The following CHD9 variants were observed in gnomAD, a reference collection of about 807,000 sequenced individuals.
CHD9 encodes the protein chromodomain helicase DNA binding protein 9, also known as ATP-dependent chromatin remodeler CHD9.
CHD9 carries 77 observed loss-of-function variants against 316.1 expected under a neutral mutation model. The observed-to-expected ratio is 0.24, with a 90% CI of 0.20 to 0.29. The LOEUF is 0.29. Ranked by LOEUF, CHD9 falls within the 10% of genes least tolerant of loss-of-function variation. The probability of loss-of-function intolerance (pLI) is 1.00; values close to 1 mark genes in which losing one functional copy is unlikely to be tolerated. For missense variants in CHD9, 2,763 were observed against 3,438.1 expected, an observed-to-expected ratio of 0.80 and a Z score of 4.91; for synonymous variants, 1,129 against 1,158.3, an observed-to-expected ratio of 0.97 and a Z score of 0.51.
intron 1 of CHD9, among the ~76,000 whole-genome samples, chr16:53,123,648 C>A (rs2038842769): frequency 6.6e-6 from 1 of 152,012 alleles, no homozygotes; most frequent in African/African-American, 2.4e-5. Context: ...ATTATAGATG[C>A]ACACCACAAC....
chr16:53,203,202 CAGT>C (rs1597410299), intron 2 of CHD9, among the ~76,000 whole-genome samples: 1 of 151,912 alleles, frequency 6.6e-6, no homozygotes, highest in East Asian at 1.9e-4. Flanking sequence ...GACTAAAAAC[CAGT>C]ACACCAGCTT....
rs2152959477 is a variant in CHD9, at chr16:53,247,328, A to G, written c.3490A>G (p.Thr1164Ala). Reference protein sequence around the residue: ...EEKILGEFRDTYNPAASDFHL... With the variant: ...EEKILGEFRDAYNPAASDFHL... ...GAAAATACTTGGAGAATTTAGAGAT[A>G]CTTACAATCCAGCTGCTTCTGATTT... is the stretch of plus-strand genomic sequence containing the variant. The change falls in exon 16 of 39, where the codon ACT (threonine) becomes GCT (alanine). Residue 1164 changes from threonine (T) to alanine (A), a missense_variant. Thr to Ala is a moderately conservative substitution (Grantham distance 58, BLOSUM62 0). Transcript: ENST00000447540. 1 of 1,604,548 alleles carries G rather than the reference A, an allele frequency of 6.2e-7. No individual in the cohort carries two copies. Among genetic ancestry groups the G allele is most frequent in the South Asian group, 1.1e-5 (1 of 89,170 alleles).
chr16:53,279,359 G>T (rs1469728725), intron 24 of CHD9, among the ~76,000 whole-genome samples: 1 of 151,768 alleles, frequency 6.6e-6, no homozygotes, highest in East Asian at 1.9e-4. Context: ...GGGGCCTGTC[G>T]TGGGGTGGGG....
chr16:53,109,544 A>G (rs1453586655), intron 1 of CHD9, among the ~76,000 whole-genome samples: 1 of 151,390 alleles, frequency 6.6e-6, no homozygotes, highest in Non-Finnish European at 1.5e-5. Context: ...CATGTTGGCC[A>G]GGCTAGTCTC....
intron 24 of CHD9, among the ~76,000 whole-genome samples, chr16:53,280,950 A>G (rs2053356551): frequency 6.6e-6 from 1 of 152,010 alleles, no homozygotes; most frequent in Admixed American, 6.6e-5. Flanking sequence ...CATTTATGCT[A>G]ACTATACCCA....
chr16:53,274,798 A>G (rs1302732379), intron 24 of CHD9, among the ~76,000 whole-genome samples: 2 of 152,092 alleles, frequency 1.3e-5, no homozygotes, highest in Non-Finnish European at 2.9e-5. Context: ...GGCAAAAATT[A>G]TATGACCAGA....
rs201501313 is a variant in CHD9, at chr16:53,081,873, A to G, written c.-165+26796A>G. ...TGAATGAATGAATGAATGAATGAAT[A>G]AACCAATAACCTTGGATACTTTTCC... On this transcript the variant is annotated intron_variant, in intron 1 of 38. Transcript: ENST00000447540. Among the ~76,000 whole-genome samples the G allele has an allele frequency of 8.5e-3, 830 of 97,758 alleles. 3 individuals carry two copies. The highest frequency in any genetic ancestry group is 0.021 in the African/African-American group (608 of 28,804). The allele number at this position is 97,758 out of a possible 152,430, so 64.1% of individuals were successfully genotyped here.
intron 32 of CHD9, 120 bp from the exon 33 acceptor site, chr16:53,307,561 A>G (rs1217063072): frequency 2.6e-6 from 2 of 783,656 alleles, no homozygotes; most frequent in East Asian, 2.7e-5. Flanking sequence ...GAGAATATGT[A>G]TGCATAGCAC....
chr16:53,158,710 C>T (rs1310368653), intron 2 of CHD9, among the ~76,000 whole-genome samples: 1 of 152,030 alleles, frequency 6.6e-6, no homozygotes, highest in Non-Finnish European at 1.5e-5. Flanking sequence ...CATCAGGGCT[C>T]ACTGCAGCCT....
chr16:53,263,307 T>G (rs2152993008), intron 20 of CHD9, among the ~76,000 whole-genome samples: 1 of 152,288 alleles, frequency 6.6e-6, no homozygotes, highest in East Asian at 1.9e-4. Flanking sequence ...ACAGGGAAGG[T>G]TTAACTTTTG....
chr16:53,259,160 A>C (rs1214940032), intron 19 of CHD9, among the ~76,000 whole-genome samples: 1 of 152,212 alleles, frequency 6.6e-6, no homozygotes, highest in South Asian at 2.1e-4. Context: ...TGCTTGTCAC[A>C]ATCCTTGAGA....
chr16:53,211,799 T>C (rs1007560927), intron 3 of CHD9, among the ~76,000 whole-genome samples: 4 of 152,166 alleles, frequency 2.6e-5, no homozygotes, highest in Non-Finnish European at 4.4e-5. Context: ...TTGGAATAAA[T>C]GAAATTCATA....
chr16:53,226,637 A>G (rs1746207220), intron 5 of CHD9, 125 bp downstream of exon 5: 4 of 1,024,916 alleles, frequency 3.9e-6, no homozygotes, highest in East Asian at 2.8e-5. Flanking sequence ...ATTATTAGTT[A>G]ATTGAGTCAT....
At chr16:53,056,048 T>G (rs1347436519) in intron 1 of CHD9, among the ~76,000 whole-genome samples, 1 of 152,168 alleles carries the variant, frequency 6.6e-6, no homozygotes, top group Non-Finnish European at 1.5e-5. Context: ...CTAGTAAAAA[T>G]GAGCCCTTAT....
chr16:53,275,834 A>C (rs766714233), intron 24 of CHD9, among the ~76,000 whole-genome samples: 11 of 152,122 alleles, frequency 7.2e-5, no homozygotes, highest in South Asian at 4.1e-4. Context: ...ACTGACTTCT[A>C]TATCCACCTA....
rs537903885 is a variant in CHD9 at position 53,235,345 on chromosome 16, A to G, written c.2633+39A>G. 18 of 1,379,336 alleles carry G rather than the reference A, an allele frequency of 1.3e-5. 1 individual carries two copies. In the East Asian group the frequency reaches 4.1e-4, roughly 31 times the overall value. 85.4% of individuals were successfully genotyped at this position (1,379,336 alleles called of 1,614,324 possible). A position where few individuals can be genotyped will look rare whatever the true frequency, so the allele number is the denominator to read the frequency against. The stretch of plus-strand genomic sequence containing the variant: ...CTTAATAAAAAAAATTTATTTTTTT[A>G]ATGTGTGCCAAAATGTGTCAAGTAA... On this transcript the variant is annotated intron_variant, in intron 11 of 38. Coordinates refer to ENST00000447540, the MANE Select transcript of CHD9 (RefSeq NM_001308319.2).
chr16:53,277,757 C>A (rs2052999839), intron 24 of CHD9, among the ~76,000 whole-genome samples: 1 of 152,088 alleles, frequency 6.6e-6, no homozygotes, highest in South Asian at 2.1e-4. Context: ...GAAGTCCTAG[C>A]CAGAGCAATC....
At chr16:53,207,786 A>ATT (rs57021341) in intron 2 of CHD9, among the ~76,000 whole-genome samples, 1 of 148,062 alleles carries the variant, frequency 6.8e-6, no homozygotes, top group African/African-American at 2.5e-5. Flanking sequence ...TTCTCAGGTG[A>ATT]TTTTTTTTTT....
intron 1 of CHD9, among the ~76,000 whole-genome samples, chr16:53,083,054 A>G (rs2035167963): frequency 6.6e-6 from 1 of 152,178 alleles, no homozygotes; most frequent in African/African-American, 2.4e-5. Flanking sequence ...TACCAAGAGG[A>G]TATTCTACAA....
Sources: gnomAD v4.1 joint callset for allele counts (sites outside exome capture counted in the v4.1 genomes callset) on GRCh38, gnomAD v4.1.1 for gene constraint, MANE v1.5 for transcripts, NCBI Gene and HGNC (gene_info 2026-07-23, HGNC 2026-07-21) for gene names.